The following CPNE5 variants were observed in gnomAD, a reference collection of about 807,000 sequenced individuals.
CPNE5 encodes the protein copine-5.
CPNE5 carries 42 observed loss-of-function variants against 81.1 expected under a neutral mutation model. That is an observed-to-expected ratio of 0.52 (90% CI 0.40 to 0.67). The LOEUF is 0.67. CPNE5 is among the 30% of genes least tolerant of loss of function. CPNE5 has a pLI of 0.00. For synonymous variants in CPNE5, 313 were observed against 321.5 expected (o/e 0.97, Z 0.28); for missense variants, 612 against 815.5 (o/e 0.75, Z 3.04).
chr6:36,743,109 A>G, intron 20 of CPNE5: 1 of 985,238 alleles, frequency 1.0e-6, no homozygotes, highest in South Asian at 4.7e-5. Flanking sequence ...TTTTTAAACC[A>G]AGGGGGTATG....
Position 36,805,749 on chromosome 6 carries a change from C to G in CPNE5, c.184-5679G>C, listed in dbSNP as rs1770535188. Among the ~76,000 whole-genome samples, 2 of 152,174 alleles carry G rather than the reference C, an allele frequency of 1.3e-5. 1 individual carries two copies. Among genetic ancestry groups the G allele is most frequent in the South Asian group, 4.1e-4 (2 of 4,830 alleles). ...GAATTTGCCTTCTGAAAGACTCTCTCCCTGGCAACAAAACTCAGTGGAAAG... is the reference window on the plus strand; with the variant it reads ...GAATTTGCCTTCTGAAAGACTCTCTGCCTGGCAACAAAACTCAGTGGAAAG... On this transcript the variant is annotated intron_variant, in intron 3 of 20. Coordinates refer to ENST00000244751, the MANE Select transcript of CPNE5 (RefSeq NM_020939.2).
chr6:36,806,083 C>T (rs1770564580), intron 3 of CPNE5, among the ~76,000 whole-genome samples: 1 of 152,122 alleles, frequency 6.6e-6, no homozygotes, highest in Non-Finnish European at 1.5e-5. Context: ...TGCCCCACAT[C>T]CAACTATTGG....
chr6:36,797,463 C>A (rs971702669), intron 6 of CPNE5, among the ~76,000 whole-genome samples: 3 of 152,158 alleles, frequency 2.0e-5, no homozygotes, highest in Non-Finnish European at 4.4e-5. Context: ...GAATGGTGAC[C>A]AGTGTTCCCC....
intron 3 of CPNE5, among the ~76,000 whole-genome samples, chr6:36,813,263 G>T (rs1356274731): frequency 6.6e-6 from 1 of 152,210 alleles, no homozygotes; most frequent in Non-Finnish European, 1.5e-5. Flanking sequence ...AGGTGTGGTG[G>T]CCCACGCCTG....
chr6:36,823,410 C>G (rs1173702646), intron 1 of CPNE5, among the ~76,000 whole-genome samples: 2 of 152,216 alleles, frequency 1.3e-5, no homozygotes, highest in Non-Finnish European at 2.9e-5. Flanking sequence ...ATTTCCGAAA[C>G]TGCCCAATGT....
chr6:36,795,826 G>A (rs1482217757), intron 6 of CPNE5, among the ~76,000 whole-genome samples: 1 of 152,168 alleles, frequency 6.6e-6, no homozygotes, highest in East Asian at 1.9e-4. Flanking sequence ...TAGATGCCCA[G>A]TAAACAGGAG....
chr6:36,757,173 T>G lies in CPNE5; in HGVS notation c.856-875A>C, dbSNP rs1765568143. ...ACGAGACTTCCGCACTTACTGTATT[T>G]GTATTCTCATTTGACCCTCGCCAGT... On this transcript the variant is annotated intron_variant, in intron 12 of 20. Coordinates refer to ENST00000244751, the MANE Select transcript of CPNE5 (RefSeq NM_020939.2). 3 of 252,662 alleles carry G rather than the reference T, an allele frequency of 1.2e-5. No individual in the cohort carries two copies. In the South Asian group the frequency reaches 4.4e-4, roughly 37 times the overall value. The allele number at this position is 252,662 out of a possible 1,614,324, so 15.7% of individuals were successfully genotyped here.
intron 1 of CPNE5, among the ~76,000 whole-genome samples, chr6:36,823,405 C>T (rs761586152): frequency 3.9e-5 from 6 of 152,138 alleles, no homozygotes; most frequent in South Asian, 2.1e-4. Context: ...GGGGGATTTC[C>T]GAAACTGCCC....
rs544582646 is a variant in CPNE5, at chr6:36,839,157, G to A, written c.95+126C>T. 2.8e-4 allele frequency: 181 copies of A among 645,680 alleles called. 2 individuals are homozygous for A. The highest frequency in any genetic ancestry group is 5.6e-4 in the South Asian group (24 of 43,134). 40.0% of individuals were successfully genotyped at this position (645,680 alleles called of 1,614,324 possible). A position where few individuals can be genotyped will look rare whatever the true frequency, so the allele number is the denominator to read the frequency against. ...AGGGGCTCTTGGCAGATCGGCAGGGGCGCAGTCCTGGAGACCAGGACACTC... is the reference window on the plus strand; with the variant it reads ...AGGGGCTCTTGGCAGATCGGCAGGGACGCAGTCCTGGAGACCAGGACACTC... On this transcript the variant is annotated intron_variant, in intron 1 of 20. Transcript: ENST00000244751. This position sits in a 1 kb window ranked among gnomAD's most constrained non-coding sequence, Gnocchi z 7.3.
At chr6:36,759,005 G>C (rs1176566573) in intron 12 of CPNE5, among the ~76,000 whole-genome samples, 1 of 152,238 alleles carries the variant, frequency 6.6e-6, no homozygotes, top group Non-Finnish European at 1.5e-5. Context: ...GGCAGCCCCA[G>C]TGCTGCACTG....
intron 12 of CPNE5, among the ~76,000 whole-genome samples, chr6:36,756,966 C>T (rs746357118): frequency 3.9e-5 from 6 of 152,164 alleles, no homozygotes; most frequent in Non-Finnish European, 8.8e-5. Context: ...CGTTTGGTAA[C>T]ATCTGGAGAC....
At chr6:36,765,200 A>T in intron 11 of CPNE5, 135 bp downstream of exon 11, 1 of 814,658 alleles carries the variant, frequency 1.2e-6, no homozygotes, top group Non-Finnish European at 1.9e-6. Context: ...CTCCACACAC[A>T]CGCAAACCCA....
intron 10 of CPNE5, 80 bp from the exon 11 acceptor site, chr6:36,765,456 G>A (rs575727437): frequency 3.2e-5 from 49 of 1,549,696 alleles, no homozygotes; most frequent in South Asian, 5.7e-5. Context: ...TCATGTTCCC[G>A]GACCAGATAG....
rs114285775 is a variant in CPNE5 at position 36,802,785 on chromosome 6, A to C, written c.184-2715T>G. On this transcript the variant is annotated intron_variant, in intron 3 of 20. Transcript: ENST00000244751. ...TCCAAAGGGGTTGGGTGCGGTGGCT[A>C]ACACCTGTAATCCCAGCACTTTGGG... is the stretch of plus-strand genomic sequence containing the variant. 3.9e-5 allele frequency among the ~76,000 whole-genome samples: 6 copies of C among 152,014 alleles called. No homozygotes were observed. The South Asian group carries it at 6.2e-4, about 16-fold the overall frequency.
intron 8 of CPNE5, among the ~76,000 whole-genome samples, chr6:36,785,565 A>C (rs769844189): frequency 3.9e-5 from 6 of 152,164 alleles, no homozygotes; most frequent in Non-Finnish European, 5.9e-5. Context: ...TACAACTTAC[A>C]TGCCCTAAGA....
rs1764136605 is a variant in CPNE5, at chr6:36,746,178, G to A, written c.1200+218C>T. 1.0e-6 allele frequency: 1 copy of A among 985,330 alleles called. No homozygotes were observed. The highest frequency in any genetic ancestry group is 1.7e-5 in the African/African-American group (1 of 57,244). The allele number at this position is 985,330 out of a possible 1,614,324, so 61.0% of individuals were successfully genotyped here. ...GTCAGGAACAAGGAAGCCAGGGCCA[G>A]CTGTGGGCAGGCAGCTTCAGACATG... On this transcript the variant is annotated intron_variant, in intron 16 of 20. Transcript: ENST00000244751. This position sits in a 1 kb window ranked among gnomAD's most constrained non-coding sequence, Gnocchi z 4.5.
intron 1 of CPNE5, among the ~76,000 whole-genome samples, chr6:36,833,826 T>A (rs1417491117): frequency 6.6e-6 from 1 of 152,088 alleles, no homozygotes; most frequent in African/African-American, 2.4e-5. Flanking sequence ...CTACAGAAAC[T>A]AGGAAATGAG....
At chr6:36,802,244 A>T (rs1770185714) in intron 3 of CPNE5, among the ~76,000 whole-genome samples, 1 of 139,364 alleles carries the variant, frequency 7.2e-6, no homozygotes, top group South Asian at 2.2e-4. Flanking sequence ...AAAAAAAAAA[A>T]AGGTTATGAT....
chr6:36,837,423 T>C (rs1030128733), intron 1 of CPNE5, among the ~76,000 whole-genome samples: 1 of 152,188 alleles, frequency 6.6e-6, no homozygotes, highest in African/African-American at 2.4e-5. Context: ...GCCCTCCATC[T>C]CCTTTCCTCT....
Sources: allele counts gnomAD v4.1 joint callset (sites outside exome capture counted in the v4.1 genomes callset), GRCh38; gene constraint gnomAD v4.1.1; non-coding constraint Gnocchi (gnomAD v3.1); transcripts MANE v1.5; gene names NCBI Gene and HGNC (gene_info 2026-07-23, HGNC 2026-07-21).